Variants in SLC37A1 observed in about 807,000 individuals in gnomAD.
SLC37A1 encodes glucose-6-phosphate exchanger SLC37A1.
SLC37A1 carries 49 observed loss-of-function variants against 75.3 expected under a neutral mutation model. That is an observed-to-expected ratio of 0.65 (90% CI 0.52 to 0.83). The LOEUF (loss-of-function observed/expected upper bound fraction) is 0.83, where lower values mean the gene tolerates loss of function less well. SLC37A1 is among the 40% of genes least tolerant of loss of function. SLC37A1 has a pLI of 0.00. For synonymous variants in SLC37A1, 268 were observed against 292.1 expected, an observed-to-expected ratio of 0.92 and a Z score of 0.84; for missense variants, 566 against 695.0, an observed-to-expected ratio of 0.81 and a Z score of 2.09.
At chr21:42,505,151 G>A (rs570093339) in intron 2 of SLC37A1, among the ~76,000 whole-genome samples, 9 of 152,214 alleles carry the variant, frequency 5.9e-5, no homozygotes, top group East Asian at 1.9e-4. Flanking sequence ...ATCTAATCAC[G>A]TTGTTCTTCA....
At position 42,559,042 on chromosome 21, in the gene SLC37A1, G is replaced by A. The variant is rs1569026852; in HGVS notation, c.934G>A (p.Gly312Arg). The change falls in exon 11 of 20, where the codon GGG (glycine) becomes AGG (arginine). Residue 312 changes from glycine to arginine, a missense_variant. Physicochemically the swap from Gly to Arg is moderately radical, Grantham distance 125. Coordinates refer to ENST00000352133, the MANE Select transcript of SLC37A1 (RefSeq NM_001320537.2). ...CGTCGTCATTCTCCCCGGGGACGGTGGGAGTGGCACGGCCGCCATCAGCTT... is the reference window on the plus strand; with the variant it reads ...CGTCGTCATTCTCCCCGGGGACGGTAGGAGTGGCACGGCCGCCATCAGCTT... The part of the protein sequence containing the change: ...NHVVILPGDG[G>R]SGTAAISFTG... The A allele has an allele frequency of 6.2e-7, 1 of 1,613,778 alleles. No individual in the cohort carries two copies. Among genetic ancestry groups the A allele is most frequent in the Non-Finnish European group, 8.5e-7 (1 of 1,179,892 alleles).
chr21:42,537,676 G>A (rs1397518364), intron 5 of SLC37A1, among the ~76,000 whole-genome samples: 3 of 152,132 alleles, frequency 2.0e-5, no homozygotes, highest in African/African-American at 7.2e-5. Context: ...ATAGTGCTGG[G>A]GTTCAGAAAG....
chr21:42,502,911 C>T (rs1353001219), intron 2 of SLC37A1: 1 of 152,134 alleles, frequency 6.6e-6, no homozygotes, highest in East Asian at 1.9e-4. Flanking sequence ...AAATTGGGAA[C>T]ATACAATAAA....
At chr21:42,541,540 A>G (rs991691996) in intron 6 of SLC37A1, among the ~76,000 whole-genome samples, 35 of 152,068 alleles carry the variant, frequency 2.3e-4, no homozygotes, top group Admixed American at 9.8e-4. Flanking sequence ...CCTTCATGAA[A>G]CTCAAGTCAG....
At chr21:42,525,240 C>T (rs1045355901) in intron 2 of SLC37A1, among the ~76,000 whole-genome samples, 3 of 152,236 alleles carry the variant, frequency 2.0e-5, no homozygotes, top group Non-Finnish European at 4.4e-5. Context: ...CTGAGTTCTA[C>T]GAGCTGCTCT....
intron 3 of SLC37A1, among the ~76,000 whole-genome samples, chr21:42,529,616 C>T (rs950033668): frequency 6.6e-6 from 1 of 151,996 alleles, no homozygotes; most frequent in Admixed American, 6.5e-5. Context: ...AAGTACAAAT[C>T]CAAGAAGAAA....
chr21:42,551,600 T>C (rs972986681), intron 9 of SLC37A1, among the ~76,000 whole-genome samples: 1 of 152,244 alleles, frequency 6.6e-6, no homozygotes. Context: ...ATGTGAATTC[T>C]GTCTCAACAA....
intron 10 of SLC37A1, among the ~76,000 whole-genome samples, chr21:42,558,601 C>CT (rs1012710179): frequency 5.9e-5 from 9 of 152,000 alleles, no homozygotes; most frequent in South Asian, 2.1e-4. Flanking sequence ...ATCTCCCAAC[C>CT]TTTTTTTTAC....
At chr21:42,504,044 T>A (rs1447552469) in intron 2 of SLC37A1, among the ~76,000 whole-genome samples, 1 of 152,308 alleles carries the variant, frequency 6.6e-6, no homozygotes, top group East Asian at 1.9e-4. Flanking sequence ...TGAACAAGCA[T>A]GGAAATGTGA....
intron 1 of SLC37A1, among the ~76,000 whole-genome samples, chr21:42,516,992 T>A (rs1490998933): frequency 6.6e-6 from 1 of 152,198 alleles, no homozygotes; most frequent in Non-Finnish European, 1.5e-5. Context: ...GGTTTTGAAG[T>A]ATTTGTGGCT....
chr21:42,579,811 C>T lies in SLC37A1; in HGVS notation c.1586+11C>T. 1 of 1,613,876 alleles carries T rather than the reference C, an allele frequency of 6.2e-7. No homozygotes were observed. Among genetic ancestry groups the T allele is most frequent in the Non-Finnish European group, 8.5e-7 (1 of 1,179,908 alleles). On this transcript the variant is annotated intron_variant, in intron 19 of 19. Coordinates refer to ENST00000352133, the MANE Select transcript of SLC37A1 (RefSeq NM_001320537.2). ...GGGGGACCAAGTTCCGTAAGTCCCA[C>T]TCGGGCCCTGTCTCCGTGCGTGAAA...
chr21:42,576,252 C>T (rs1194277391), intron 18 of SLC37A1, among the ~76,000 whole-genome samples: 1 of 152,120 alleles, frequency 6.6e-6, no homozygotes, highest in Non-Finnish European at 1.5e-5. Flanking sequence ...GATATCTGCA[C>T]ACTGGCACAG....
intron 8 of SLC37A1, among the ~76,000 whole-genome samples, chr21:42,544,034 G>A (rs545477445): frequency 2.0e-5 from 3 of 152,338 alleles, no homozygotes; most frequent in East Asian, 1.9e-4. Context: ...TGGGTAAAAA[G>A]TATCTCTTGG....
At chr21:42,573,006 A>G (rs902624102) in intron 17 of SLC37A1, among the ~76,000 whole-genome samples, 2 of 152,160 alleles carry the variant, frequency 1.3e-5, no homozygotes, top group Non-Finnish European at 2.9e-5. Context: ...AGACTCCTTC[A>G]GTGCCCAGGG....
chr21:42,512,191 T>G (rs1444315822), upstream of SLC37A1, among the ~76,000 whole-genome samples: 1 of 127,634 alleles, frequency 7.8e-6, no homozygotes, highest in Non-Finnish European at 1.6e-5. Flanking sequence ...TATGTAATTT[T>G]TATTTGTCAG....
Position 42,575,588 on chromosome 21 carries a change from G to GT in SLC37A1, c.1521+674dup, listed in dbSNP as rs150144890. The GT allele has an allele frequency of 4.0e-3, 3,943 of 985,400 alleles. 118 individuals are homozygous for GT. In the African/African-American group the frequency reaches 0.064, roughly 16 times the overall value. The allele number at this position is 985,400 out of a possible 1,614,324, so 61.0% of individuals were successfully genotyped here. A position where few individuals can be genotyped will look rare whatever the true frequency, so the allele number is the denominator to read the frequency against. ...GTCACAGTCACATAGATGTGCAGCT[G>GT]TGAGGGGTGCATACACATCTTTACA... On this transcript the variant is annotated intron_variant, in intron 18 of 19. Transcript: ENST00000352133.
chr21:42,530,648 A>ACC (rs2054935328), intron 3 of SLC37A1, among the ~76,000 whole-genome samples: 3 of 27,660 alleles, frequency 1.1e-4, no homozygotes, highest in South Asian at 9.7e-4. Context: ...ACACACACAC[A>ACC]CACACACCCC....
At chr21:42,538,068 AGAGATCAAAGTAG>A (rs1203965506) in intron 5 of SLC37A1, among the ~76,000 whole-genome samples, 1 of 152,234 alleles carries the variant, frequency 6.6e-6, no homozygotes, top group Non-Finnish European at 1.5e-5. Flanking sequence ...ATTTTTCAGT[AGAGATCAAAGTAG>A]GCCCAAATCA....
At chr21:42,544,254 C>T (rs965906008) in intron 8 of SLC37A1, among the ~76,000 whole-genome samples, 2 of 152,148 alleles carry the variant, frequency 1.3e-5, no homozygotes, top group East Asian at 3.9e-4. Flanking sequence ...CTGTACTCAA[C>T]TCTTAGTTCT....
Sources: allele counts gnomAD v4.1 joint callset (sites outside exome capture counted in the v4.1 genomes callset), GRCh38; gene constraint gnomAD v4.1.1; transcripts MANE v1.5; gene names NCBI Gene and HGNC (gene_info 2026-07-23, HGNC 2026-07-21).